ENTREP2: variants seen among roughly 807,000 people sequenced by gnomAD.
The protein encoded by ENTREP2 is endosomal transmembrane epsin interactor 2.
chr15:29,578,795 T>A, the ENTREP2 span, among the ~76,000 whole-genome samples: 1 of 149,910 alleles, frequency 6.7e-6, no homozygotes, highest in East Asian at 2.1e-4. Flanking sequence ...TTCAAGCTAA[T>A]TCTGTATCTT....
chr15:29,489,289 G>T, the ENTREP2 span, among the ~76,000 whole-genome samples: 1 of 152,152 alleles, frequency 6.6e-6, no homozygotes, highest in Non-Finnish European at 1.5e-5. Context: ...ACTGATTTAA[G>T]ATAATATGCT....
At chr15:29,389,267 G>C in the ENTREP2 span, among the ~76,000 whole-genome samples, 2 of 152,012 alleles carry the variant, frequency 1.3e-5, no homozygotes, top group African/African-American at 4.8e-5. Context: ...ATAAATTTCT[G>C]TTAGGTCACC....
At chr15:29,521,048 T>C in the ENTREP2 span, among the ~76,000 whole-genome samples, 1 of 152,228 alleles carries the variant, frequency 6.6e-6, no homozygotes, top group Admixed American at 6.5e-5. Context: ...CGGGAGATAT[T>C]TGGTAATGTC....
chr15:29,346,913 C>T, the ENTREP2 span, among the ~76,000 whole-genome samples: 1 of 152,188 alleles, frequency 6.6e-6, no homozygotes, highest in African/African-American at 2.4e-5. Flanking sequence ...ATCTAGTCCT[C>T]CCCAGCTTCT....
At chr15:29,520,064 T>C in the ENTREP2 span, among the ~76,000 whole-genome samples, 3 of 152,276 alleles carry the variant, frequency 2.0e-5, no homozygotes, top group East Asian at 1.9e-4. Flanking sequence ...CCACTTGCAT[T>C]CAAGTAAAAT....
the ENTREP2 span, among the ~76,000 whole-genome samples, chr15:29,588,604 GAAAGA>G: frequency 3.3e-5 from 5 of 149,878 alleles, no homozygotes; most frequent in Non-Finnish European, 4.4e-5. Context: ...AGGAAGGAAG[GAAAGA>G]AAAGACAGAA....
At chr15:29,350,754 C>A in the ENTREP2 span, among the ~76,000 whole-genome samples, 1 of 152,070 alleles carries the variant, frequency 6.6e-6, no homozygotes, top group Non-Finnish European at 1.5e-5. Flanking sequence ...ACCAGCCTAG[C>A]CAACATGGTG....
the ENTREP2 span, among the ~76,000 whole-genome samples, chr15:29,657,032 CCTTCGTGGTGAGTGTTACAGCT>C: frequency 1.3e-5 from 2 of 152,080 alleles, no homozygotes; most frequent in African/African-American, 4.8e-5. Context: ...CGAAGCCGGG[CCTTCGTGGTGAGTGTTACAGCT>C]CTTTTCTTTT....
the ENTREP2 span, among the ~76,000 whole-genome samples, chr15:29,207,702 A>G: frequency 6.6e-6 from 1 of 152,058 alleles, no homozygotes; most frequent in Non-Finnish European, 1.5e-5. Context: ...AAAGTTCTCC[A>G]AGTCCCCACT....
At chr15:29,656,556 TAGC>T in the ENTREP2 span, among the ~76,000 whole-genome samples, 5 of 152,176 alleles carry the variant, frequency 3.3e-5, no homozygotes, top group Non-Finnish European at 5.9e-5. Context: ...AGAATTCTGA[TAGC>T]AGACAGAAAC....
chr15:29,167,425 C>T, the ENTREP2 span, among the ~76,000 whole-genome samples: 1 of 152,114 alleles, frequency 6.6e-6, no homozygotes, highest in African/African-American at 2.4e-5. Context: ...ATACATCTGA[C>T]AAAGGACTAA....
chr15:29,657,122 A>C, the ENTREP2 span, among the ~76,000 whole-genome samples: 1 of 151,852 alleles, frequency 6.6e-6, no homozygotes, highest in African/African-American at 2.4e-5. Context: ...GTCTTGGCTC[A>C]CTGCAAGCTC....
chr15:29,207,431 G>C, the ENTREP2 span, among the ~76,000 whole-genome samples: 2 of 139,602 alleles, frequency 1.4e-5, no homozygotes, highest in Admixed American at 1.4e-4. Flanking sequence ...TCCTACGAGC[G>C]GTGTGCCGCT....
chr15:29,621,522 C>CAA, the ENTREP2 span, among the ~76,000 whole-genome samples: 20 of 15,652 alleles, frequency 1.3e-3, no homozygotes, highest in Non-Finnish European at 1.8e-3. Context: ...GACTCTGTCT[C>CAA]AAAAAAAAAA....
At chr15:29,335,199 T>G in the ENTREP2 span, among the ~76,000 whole-genome samples, 4 of 152,216 alleles carry the variant, frequency 2.6e-5, no homozygotes, top group Non-Finnish European at 5.9e-5. Flanking sequence ...TGTGCAGCCA[T>G]AGATAACTGG....
the ENTREP2 span, among the ~76,000 whole-genome samples, chr15:29,484,596 A>G: frequency 4.9e-3 from 749 of 152,222 alleles, 4 homozygotes; most frequent in South Asian, 0.015. Flanking sequence ...CATACTTCAT[A>G]TTTGCTTGTC....
the ENTREP2 span, among the ~76,000 whole-genome samples, chr15:29,455,575 T>C: frequency 6.0e-3 from 914 of 152,328 alleles, 11 homozygotes; most frequent in African/African-American, 0.021. Context: ...TAACAATGTT[T>C]TGCCACACAG....
At chr15:29,214,310 C>T in the ENTREP2 span, among the ~76,000 whole-genome samples, 5 of 152,146 alleles carry the variant, frequency 3.3e-5, no homozygotes, top group African/African-American at 4.8e-5. Flanking sequence ...CAATGACAGA[C>T]TGGATTAAGA....
the ENTREP2 span, among the ~76,000 whole-genome samples, chr15:29,416,256 G>C: frequency 6.6e-6 from 1 of 152,100 alleles, no homozygotes; most frequent in South Asian, 2.1e-4. Flanking sequence ...ATACTACAAG[G>C]CTACAGTAAC....
Sources: allele counts gnomAD v4.1 joint callset (sites outside exome capture counted in the v4.1 genomes callset), GRCh38; gene constraint gnomAD v4.1.1; transcripts MANE v1.5; gene names NCBI Gene and HGNC (gene_info 2026-07-23, HGNC 2026-07-21).